The following STRAP variants were observed in gnomAD, a reference collection of about 807,000 sequenced individuals.
STRAP encodes the protein serine/threonine kinase receptor associated protein, also known as serine-threonine kinase receptor-associated protein.
STRAP carries 16 observed loss-of-function variants against 47.0 expected under a neutral mutation model. The ratio of observed to expected loss-of-function variants is 0.34; its 90% confidence interval spans 0.23 to 0.52. The LOEUF (loss-of-function observed/expected upper bound fraction) is 0.52, where lower values mean the gene tolerates loss of function less well. Ranked by LOEUF, STRAP falls within the 20% of genes least tolerant of loss-of-function variation. The pLI, the probability that STRAP is intolerant of heterozygous loss-of-function variation, is 0.96. For missense variants in STRAP, 293 were observed against 420.0 expected (o/e 0.70, Z 2.64); for synonymous variants, 130 against 142.7 (o/e 0.91, Z 0.63).
chr12:15,893,453 C>T (rs899045508), intron 4 of STRAP, among the ~76,000 whole-genome samples: 2 of 146,028 alleles, frequency 1.4e-5, no homozygotes, highest in Non-Finnish European at 3.0e-5. Context: ...ATTTATTATA[C>T]ATATAATAAA....
At chr12:15,882,957 C>G in intron 1 of STRAP, 138 bp downstream of exon 1, 1 of 1,349,768 alleles carries the variant, frequency 7.4e-7, no homozygotes, top group Non-Finnish European at 1.0e-6. Context: ...AGAGCCAACA[C>G]TGGTCCGGTG....
intron 6 of STRAP, 36 bp downstream of exon 6, chr12:15,895,532 G>A: frequency 2.5e-6 from 4 of 1,572,088 alleles, no homozygotes; most frequent in Non-Finnish European, 3.4e-6. Flanking sequence ...TCTTTTTTAG[G>A]TAACAAAAGA....
intron 7 of STRAP, among the ~76,000 whole-genome samples, chr12:15,899,511 TA>T (rs1350406789): frequency 6.6e-6 from 1 of 152,202 alleles, no homozygotes; most frequent in Non-Finnish European, 1.5e-5. Flanking sequence ...ATAGTCATAA[TA>T]AAAATTGATT....
In STRAP at chr12:15,894,179, G is replaced by C. The variant is rs1565575790; in HGVS notation, c.500+36G>C. 9 of 1,553,584 alleles carry C rather than the reference G, an allele frequency of 5.8e-6. No individual in the cohort carries two copies. The East Asian group carries it at 2.0e-4, about 35-fold the overall frequency. ...TTTCTTTAATAATTTACAATTTAAG[G>C]CCGGGCATGGTGGCTCACGCCTATA... On this transcript the variant is annotated intron_variant, in intron 5 of 9. Transcript: ENST00000419869. The surrounding 1 kb of genome is among the most constrained non-coding windows in gnomAD (Gnocchi z 4.9).
At chr12:15,892,348 C>G (rs910575866) in intron 4 of STRAP, among the ~76,000 whole-genome samples, 5 of 152,002 alleles carry the variant, frequency 3.3e-5, no homozygotes, top group African/African-American at 1.2e-4. Flanking sequence ...TATGCATTCT[C>G]TCATTTTACA....
intron 2 of STRAP, among the ~76,000 whole-genome samples, chr12:15,885,912 CGAT>C (rs1947966858): frequency 6.6e-6 from 1 of 152,136 alleles, no homozygotes; most frequent in Non-Finnish European, 1.5e-5. Context: ...TGTAAAGTAA[CGAT>C]GATAGCTACC....
rs771312942 is a variant in STRAP, at chr12:15,901,051, G to A, written c.991+39G>A. Reference sequence around the variant, plus strand: ...AATTGACTTTTGTAAGAGTCTTGGGGGATTTAAAATTGAACTGTAACAGAA... The same window carrying A: ...AATTGACTTTTGTAAGAGTCTTGGGAGATTTAAAATTGAACTGTAACAGAA... On this transcript the variant is annotated intron_variant, in intron 9 of 9. Transcript: ENST00000419869. 4 of 1,468,638 alleles carry A rather than the reference G, an allele frequency of 2.7e-6. No individual in the cohort carries two copies. The South Asian group carries it at 4.3e-5, about 16-fold the overall frequency. The allele number at this position is 1,468,638 out of a possible 1,614,324, so 91.0% of individuals were successfully genotyped here.
intron 8 of STRAP, among the ~76,000 whole-genome samples, chr12:15,900,685 TC>T (rs1948095720): frequency 6.6e-6 from 1 of 152,180 alleles, no homozygotes; most frequent in Non-Finnish European, 1.5e-5. Context: ...TACTCACTGA[TC>T]CACACCAATA....
At position 15,882,613 on chromosome 12, in the gene STRAP, G is replaced by A; in HGVS notation, c.-95G>A. ...CCCAGCCCAGCCCTAGTGTCAGGGC[G>A]GGGGCCTGGAGCAGCCCGAGGCACT... On this transcript the variant is annotated 5_prime_UTR_variant, in exon 1 of 10. Transcript: ENST00000419869. The A allele has an allele frequency of 9.7e-7, 1 of 1,032,690 alleles. No homozygotes were observed. Among genetic ancestry groups the A allele is most frequent in the Non-Finnish European group, 1.4e-6 (1 of 692,248 alleles). The allele number at this position is 1,032,690 out of a possible 1,614,324, so 64.0% of individuals were successfully genotyped here.
chr12:15,890,890 T>C lies in STRAP; in HGVS notation c.403+221T>C, dbSNP rs1031155069. Among the ~76,000 whole-genome samples, 3 of 152,036 alleles carry C rather than the reference T, an allele frequency of 2.0e-5. No homozygotes were observed. Among genetic ancestry groups the C allele is most frequent in the African/African-American group, 4.8e-5 (2 of 41,396 alleles). On this transcript the variant is annotated intron_variant, in intron 4 of 9. Coordinates refer to ENST00000419869, the MANE Select transcript of STRAP (RefSeq NM_007178.4). The surrounding 1 kb of genome is among the most constrained non-coding windows in gnomAD (Gnocchi z 4.5). Reference sequence around the variant, plus strand: ...GCCTGGCCAACATGGCAAAACCCCGTCTCTATTAAAAATAGAAAAATTAGC... The same window carrying C: ...GCCTGGCCAACATGGCAAAACCCCGCCTCTATTAAAAATAGAAAAATTAGC...
In STRAP at chr12:15,903,038, A is replaced by G. The variant is rs546127425; in HGVS notation, c.*60A>G. 6.9e-7 allele frequency: 1 copy of G among 1,449,092 alleles called. No homozygotes were observed. Among genetic ancestry groups the G allele is most frequent in the Non-Finnish European group, 9.1e-7 (1 of 1,098,046 alleles). The allele number at this position is 1,449,092 out of a possible 1,614,324, so 89.8% of individuals were successfully genotyped here. On this transcript the variant is annotated 3_prime_UTR_variant, in exon 10 of 10. Transcript: ENST00000419869. ...CTAAAACAAGCAAGCAGAGAAAAGC[A>G]TCAGCCTTCCAGAGTTACTGTCTGC...
At chr12:15,886,063 T>TA (rs1947970029) in intron 2 of STRAP, among the ~76,000 whole-genome samples, 1 of 142,730 alleles carries the variant, frequency 7.0e-6, no homozygotes, top group Admixed American at 6.8e-5. Flanking sequence ...ATTTTTGTGA[T>TA]TTTTTTTTCC....
At chr12:15,897,830 G>C (rs964213648) in intron 6 of STRAP, 52 bp from the exon 7 acceptor site, 43 of 1,296,738 alleles carry the variant, frequency 3.3e-5, no homozygotes, top group Non-Finnish European at 4.0e-5. Flanking sequence ...AATGTAACTC[G>C]TTATTTATAC....
Position 15,882,498 on chromosome 12 carries a change from C to G in STRAP, c.-210C>G, listed in dbSNP as rs951521344. The G allele has an allele frequency of 7.4e-6, 4 of 540,386 alleles. No homozygotes were observed. Among genetic ancestry groups the G allele is most frequent in the Non-Finnish European group, 1.3e-5 (4 of 301,300 alleles). 33.5% of individuals were successfully genotyped at this position (540,386 alleles called of 1,614,324 possible). A position where few individuals can be genotyped will look rare whatever the true frequency, so the allele number is the denominator to read the frequency against. On this transcript the variant is annotated 5_prime_UTR_variant, in exon 1 of 10. Transcript: ENST00000419869. ...CCCTCCCTCCCTTTCCCTCCCTCGT[C>G]GACTGTTGCTTGCTGGTCGCAGACT... is the stretch of plus-strand genomic sequence containing the variant.
intron 4 of STRAP, among the ~76,000 whole-genome samples, chr12:15,892,296 TTATGGTA>T (rs1948023357): frequency 6.6e-6 from 1 of 152,178 alleles, no homozygotes; most frequent in South Asian, 2.1e-4. Flanking sequence ...TAAGGTGGTT[TTATGGTA>T]TATATGTTTT....
At chr12:15,891,930 C>T (rs1420536401) in intron 4 of STRAP, among the ~76,000 whole-genome samples, 1 of 150,324 alleles carries the variant, frequency 6.7e-6, no homozygotes, top group East Asian at 1.9e-4. Flanking sequence ...AAGAGCAAAA[C>T]TCCTTCTCAA....
chr12:15,891,331 T>C (rs1034459819), intron 4 of STRAP, among the ~76,000 whole-genome samples: 3 of 152,182 alleles, frequency 2.0e-5, no homozygotes, highest in African/African-American at 7.2e-5. Context: ...CTCAGTTGTG[T>C]GCACATATTG....
intron 9 of STRAP, among the ~76,000 whole-genome samples, chr12:15,902,589 C>T (rs111809707): frequency 3.9e-5 from 6 of 152,156 alleles, no homozygotes; most frequent in Non-Finnish European, 8.8e-5. Flanking sequence ...AAGAGAGGGC[C>T]AGATCCTTCG....
chr12:15,885,689 A>G (rs1239212367), intron 2 of STRAP, among the ~76,000 whole-genome samples: 2 of 152,028 alleles, frequency 1.3e-5, no homozygotes, highest in African/African-American at 4.8e-5. Context: ...TCAAGTCTCA[A>G]TGTCTGTGTT....
Sources: gnomAD v4.1 joint callset for allele counts (sites outside exome capture counted in the v4.1 genomes callset) on GRCh38, gnomAD v4.1.1 for gene constraint, Gnocchi (gnomAD v3.1) non-coding constraint, MANE v1.5 for transcripts, NCBI Gene and HGNC (gene_info 2026-07-23, HGNC 2026-07-21) for gene names.